PHF14: variants seen among roughly 807,000 people sequenced by gnomAD.
PHF14 encodes PHD finger protein 14.
PHF14 carries 55 observed loss-of-function variants against 117.9 expected under a neutral mutation model. The observed-to-expected ratio is 0.47, with a 90% CI of 0.38 to 0.58. PHF14 has a LOEUF of 0.58. Among genes scored for constraint, PHF14 ranks in the 20% least tolerant of loss-of-function variants. The pLI, the probability that PHF14 is intolerant of heterozygous loss-of-function variation, is 0.00. For missense variants in PHF14, 978 were observed against 1,122.2 expected (o/e 0.87, Z 1.84); for synonymous variants, 409 against 368.6 (o/e 1.11, Z -1.26).
chr7:10,979,378 A>G (rs1242297196), intron 2 of PHF14, among the ~76,000 whole-genome samples: 1 of 152,098 alleles, frequency 6.6e-6, no homozygotes, highest in Non-Finnish European at 1.5e-5. Context: ...AGATTCTGAT[A>G]TATTGTATGT....
intron 16 of PHF14, among the ~76,000 whole-genome samples, chr7:11,080,332 A>G (rs1041544538): frequency 1.3e-5 from 2 of 152,166 alleles, no homozygotes; most frequent in African/African-American, 4.8e-5. Context: ...ACTTTAAAAA[A>G]TGTATTGGGT....
At position 10,985,636 on chromosome 7, in the gene PHF14, C is replaced by CCGGTTT. The variant is rs750860479; in HGVS notation, c.900+2477_900+2478insCGGTTT. Among the ~76,000 whole-genome samples, 18 of 90,860 alleles carry CCGGTTT rather than the reference C, an allele frequency of 2.0e-4. 1 individual carries two copies. In the East Asian group the frequency reaches 4.9e-3, roughly 25 times the overall value. 59.6% of individuals were successfully genotyped at this position (90,860 alleles called of 152,430 possible). Reference sequence around the variant, plus strand: ...ATACTCTCTAGCAGTGATTCTCAAACTGTTTTTTTTTTTTTTTTTTTTTTT... The same window carrying CCGGTTT: ...ATACTCTCTAGCAGTGATTCTCAAACCGGTTTTGTTTTTTTTTTTTTTTTTTTTTTT... On this transcript the variant is annotated intron_variant, in intron 3 of 17. Coordinates refer to ENST00000634607, the MANE Select transcript of PHF14 (RefSeq NM_001007157.2).
At chr7:11,090,807 G>T (rs1786614686) in intron 16 of PHF14, among the ~76,000 whole-genome samples, 1 of 152,184 alleles carries the variant, frequency 6.6e-6, no homozygotes, top group Non-Finnish European at 1.5e-5. Flanking sequence ...AGGATAATGG[G>T]ATCATTCCTA....
At chr7:11,162,072 C>CTTTTTTTTTTTTTTTTTTTTTTTTTTT (rs564998009) in intron 17 of PHF14, among the ~76,000 whole-genome samples, 3 of 70,276 alleles carry the variant, frequency 4.3e-5, no homozygotes, top group Admixed American at 2.3e-4. Flanking sequence ...AAAAATATGT[C>CTTTTTTTTTTTTTTTTTTTTTTTTTTT]TTTTTTTTTT....
chr7:11,111,195 AT>A (rs1787432564), intron 16 of PHF14, 154 bp from the exon 17 acceptor site: 8 of 495,606 alleles, frequency 1.6e-5, no homozygotes, highest in Non-Finnish European at 2.9e-5. Context: ...GTTTGCCTTT[AT>A]CATCATCATT....
At chr7:11,146,871 G>T (rs562508352) in intron 17 of PHF14, among the ~76,000 whole-genome samples, 3 of 152,256 alleles carry the variant, frequency 2.0e-5, no homozygotes, top group South Asian at 2.1e-4. Flanking sequence ...TTTAGAGACA[G>T]AGTCTCACTC....
At chr7:11,107,671 G>A (rs1787316592) in intron 16 of PHF14, 2 of 650,800 alleles carry the variant, frequency 3.1e-6, no homozygotes, top group Non-Finnish European at 3.8e-6. Context: ...ATTTAATAAT[G>A]TGCTATTCGT....
At chr7:11,075,726 G>T (rs1785822577) in intron 16 of PHF14, among the ~76,000 whole-genome samples, 1 of 151,872 alleles carries the variant, frequency 6.6e-6, no homozygotes, top group Admixed American at 6.6e-5. Flanking sequence ...ATATGTATCA[G>T]GTATCTTATA....
At chr7:11,071,454 G>A (rs967981209) in intron 16 of PHF14, among the ~76,000 whole-genome samples, 1 of 152,144 alleles carries the variant, frequency 6.6e-6, no homozygotes, top group Non-Finnish European at 1.5e-5. Flanking sequence ...TAGAAAATAA[G>A]TCAGTTTAAA....
At chr7:11,060,770 CTGAT>C (rs1204943455) in intron 14 of PHF14, among the ~76,000 whole-genome samples, 2 of 152,056 alleles carry the variant, frequency 1.3e-5, no homozygotes, top group Non-Finnish European at 2.9e-5. Context: ...TTAAAACAGA[CTGAT>C]TGGCAATATA....
At chr7:10,975,479 A>T (rs1221035233) in intron 2 of PHF14, among the ~76,000 whole-genome samples, 1 of 152,192 alleles carries the variant, frequency 6.6e-6, no homozygotes, top group East Asian at 1.9e-4. Context: ...AGTATAAGTC[A>T]TGCATGCTTG....
At chr7:11,150,338 G>T (rs995451079) in intron 17 of PHF14, among the ~76,000 whole-genome samples, 3 of 152,064 alleles carry the variant, frequency 2.0e-5, no homozygotes, top group African/African-American at 7.2e-5. Context: ...AAACATGAAG[G>T]TTTCTGTGTT....
At chr7:11,034,092 C>T (rs952163723) in intron 7 of PHF14, among the ~76,000 whole-genome samples, 2 of 151,944 alleles carry the variant, frequency 1.3e-5, no homozygotes, top group African/African-American at 4.8e-5. Flanking sequence ...ACTGTGACAT[C>T]TATAGATATC....
At chr7:11,153,581 A>G (rs1005387953) in intron 17 of PHF14, among the ~76,000 whole-genome samples, 2 of 152,136 alleles carry the variant, frequency 1.3e-5, no homozygotes, top group African/African-American at 4.8e-5. Context: ...ATTTGTGGCC[A>G]TTTAGAGTCA....
chr7:11,028,124 A>G (rs188691689), intron 6 of PHF14, among the ~76,000 whole-genome samples: 58 of 152,328 alleles, frequency 3.8e-4, no homozygotes, highest in African/African-American at 1.3e-3. Context: ...AGCACAGCTT[A>G]GTGTTGCCTA....
chr7:11,030,522 T>C (rs969096543), intron 7 of PHF14, among the ~76,000 whole-genome samples: 3 of 152,208 alleles, frequency 2.0e-5, no homozygotes, highest in Non-Finnish European at 1.5e-5. Context: ...AATGGAGTTA[T>C]GGGATTTGGA....
chr7:11,153,100 C>G (rs1230783237), intron 17 of PHF14, among the ~76,000 whole-genome samples: 1 of 152,092 alleles, frequency 6.6e-6, no homozygotes. Context: ...GTGTGTCTTA[C>G]AAAGATTACT....
At chr7:11,076,740 G>C (rs1386974927) in intron 16 of PHF14, among the ~76,000 whole-genome samples, 7 of 151,344 alleles carry the variant, frequency 4.6e-5, no homozygotes, top group Non-Finnish European at 7.4e-5. Context: ...ACTAATTTTT[G>C]TATTTTTGGT....
intron 17 of PHF14, among the ~76,000 whole-genome samples, chr7:11,121,232 C>T (rs1255934988): frequency 6.6e-6 from 1 of 152,142 alleles, no homozygotes; most frequent in African/African-American, 2.4e-5. Context: ...TCTGGGCTAG[C>T]ACTTTCACAT....
Sources: gnomAD v4.1 joint callset for allele counts (sites outside exome capture counted in the v4.1 genomes callset) on GRCh38, gnomAD v4.1.1 for gene constraint, MANE v1.5 for transcripts, NCBI Gene and HGNC (gene_info 2026-07-23, HGNC 2026-07-21) for gene names.